Variants in CLIC6 observed in about 807,000 individuals in gnomAD.
CLIC6 encodes CLIC family member 6, also known as chloride intracellular channel protein 6.
A neutral mutation model predicts 49.2 loss-of-function variants in CLIC6; 39 were observed. The ratio of observed to expected loss-of-function variants is 0.79; its 90% CI spans 0.61 to 1.04. The LOEUF (loss-of-function observed/expected upper bound fraction) is 1.04, where lower values mean the gene tolerates loss of function less well. CLIC6 is among the 50% of genes least tolerant of loss of function. The pLI, the probability that CLIC6 is intolerant of heterozygous loss-of-function variation, is 0.00. For synonymous variants in CLIC6, 446 were observed against 433.4 expected, an observed-to-expected ratio of 1.03 and a Z score of -0.36; for missense variants, 988 against 993.1, an observed-to-expected ratio of 0.99 and a Z score of 0.07.
intron 1 of CLIC6, among the ~76,000 whole-genome samples, chr21:34,706,318 G>T (rs917240213): frequency 3.3e-5 from 5 of 152,086 alleles, no homozygotes; most frequent in Non-Finnish European, 7.4e-5. Flanking sequence ...ACTGACTATC[G>T]AAAGGGCAGC....
rs1311183657 is a variant in CLIC6 at position 34,707,359 on chromosome 21, T to C, written c.1454T>C (p.Ile485Thr). ...ATGATTCTCTGGCTGAAAGGCGTTA[T>C]ATTTAATGTGACCACAGTGGACCTG... Reference protein sequence around the residue: ...LFMILWLKGVIFNVTTVDLKR... With the variant: ...LFMILWLKGVTFNVTTVDLKR... Residue 485 changes from isoleucine to threonine, a missense_variant, in exon 2 of 6, where the codon ATA (isoleucine) becomes ACA (threonine). Around this residue, in one of 3 missense-constraint regions of CLIC6, gnomAD observed 647 missense variants for 596.9 expected, o/e 1.08. Transcript: ENST00000349499. 6.2e-7 allele frequency: 1 copy of C among 1,613,800 alleles called. No individual in the cohort carries two copies.
intron 1 of CLIC6, among the ~76,000 whole-genome samples, chr21:34,698,209 G>T (rs538679961): frequency 5.0e-4 from 76 of 152,320 alleles, no homozygotes; most frequent in African/African-American, 1.7e-3. Context: ...CGTGGTCCTG[G>T]CCCTGTGCTT....
rs1203404460 is a variant in CLIC6 at position 34,707,932 on chromosome 21, C to T, written c.1485-12C>T. The T allele has an allele frequency of 6.2e-7, 1 of 1,613,768 alleles. No homozygotes were observed. The highest frequency in any genetic ancestry group is 8.5e-7 in the Non-Finnish European group (1 of 1,179,842). ...CGGTGGCCCATAAACACTGCTGTTT[C>T]CTCCCACCTAGGAAACCCGCAGACC... On this transcript the variant is annotated splice_polypyrimidine_tract_variant and intron_variant, in intron 2 of 5. Coordinates refer to ENST00000349499, the MANE Select transcript of CLIC6 (RefSeq NM_053277.3).
chr21:34,678,266 C>T (rs1163741503), intron 1 of CLIC6, among the ~76,000 whole-genome samples: 2 of 138,624 alleles, frequency 1.4e-5, no homozygotes, highest in African/African-American at 5.4e-5. Flanking sequence ...CCCGTCTCTA[C>T]TAAAAATACA....
intron 1 of CLIC6, among the ~76,000 whole-genome samples, chr21:34,706,507 C>T (rs1365687882): frequency 6.6e-6 from 1 of 152,186 alleles, no homozygotes; most frequent in Non-Finnish European, 1.5e-5. Flanking sequence ...ACTTTTATCA[C>T]TCACATACAC....
rs1432798124 is a variant in CLIC6 at position 34,670,640 on chromosome 21, G to A, written c.1252G>A (p.Ala418Thr). The change falls in exon 1 of 6, where the codon GCC becomes ACC. Residue 418 changes from alanine to threonine, a missense_variant. Physicochemically the swap from Ala to Thr is moderately conservative, Grantham distance 58 (BLOSUM62 0). This residue lies in a region of CLIC6 where 647 missense variants were observed against 596.9 expected (regional missense o/e 1.08). Transcript: ENST00000349499. The stretch of plus-strand genomic sequence containing the variant: ...TGAGGCCCAGCTCAGCAACCACCTG[G>A]CCGAGGAGGGCCCCGCCGAGGGTAG... ...EPEAQLSNHL[A>T]EEGPAEGSGE... is the part of the protein sequence containing the mutation. The A allele has an allele frequency of 6.4e-7, 1 of 1,554,476 alleles. No homozygotes were observed. The highest frequency in any genetic ancestry group is 1.2e-5 in the South Asian group (1 of 85,142).
At chr21:34,674,572 C>T (rs959589787) in intron 1 of CLIC6, among the ~76,000 whole-genome samples, 1 of 152,148 alleles carries the variant, frequency 6.6e-6, no homozygotes, top group South Asian at 2.1e-4. Flanking sequence ...TTTTATTTTA[C>T]AAGCATGCAA....
rs1989495335 is a variant in CLIC6, at chr21:34,669,768, G to A, written c.380G>A (p.Arg127Lys). ...GGCGAGCCCCGCGGGGAGGCTCAGA[G>A]GGAGCCCGAGGACTCTGCGGCCCCC... ...AQGEPRGEAQ[R>K]EPEDSAAPER... Residue 127 changes from arginine to lysine, a missense_variant, in exon 1 of 6, where the codon AGG (arginine) becomes AAG (lysine). Arg to Lys is a conservative substitution (Grantham distance 26). Around this residue, in one of 3 missense-constraint regions of CLIC6, gnomAD observed 284 missense variants for 278.6 expected, o/e 1.02. Transcript: ENST00000349499. 5 of 1,416,040 alleles carry A rather than the reference G, an allele frequency of 3.5e-6. No homozygotes were observed. The highest frequency in any genetic ancestry group is 4.6e-6 in the Non-Finnish European group (5 of 1,095,978). The allele number at this position is 1,416,040 out of a possible 1,614,324, so 87.7% of individuals were successfully genotyped here.
chr21:34,703,008 C>T (rs1455669953), intron 1 of CLIC6, among the ~76,000 whole-genome samples: 3 of 151,358 alleles, frequency 2.0e-5, no homozygotes, highest in African/African-American at 4.9e-5. Context: ...TGGAATGGAG[C>T]GGCCCATTAT....
chr21:34,705,163 G>A (rs1460555059), intron 1 of CLIC6, among the ~76,000 whole-genome samples: 1 of 152,176 alleles, frequency 6.6e-6, no homozygotes, highest in African/African-American at 2.4e-5. Flanking sequence ...AGAGCAAGTC[G>A]GGACTGGCCA....
intron 1 of CLIC6, among the ~76,000 whole-genome samples, chr21:34,675,738 C>T (rs1015268482): frequency 6.6e-6 from 1 of 152,160 alleles, no homozygotes; most frequent in African/African-American, 2.4e-5. Context: ...CCTCTCGGTT[C>T]TCACCACCTG....
At chr21:34,705,064 C>T (rs970610441) in intron 1 of CLIC6, among the ~76,000 whole-genome samples, 1 of 152,176 alleles carries the variant, frequency 6.6e-6, no homozygotes, top group African/African-American at 2.4e-5. Flanking sequence ...GGAGAAAAAA[C>T]GAACACAGTT....
chr21:34,693,595 G>A (rs1477815604), intron 1 of CLIC6, among the ~76,000 whole-genome samples: 1 of 152,102 alleles, frequency 6.6e-6, no homozygotes, highest in Non-Finnish European at 1.5e-5. Context: ...TTGGCTAGAG[G>A]GACCTCAAAT....
chr21:34,706,132 T>G, intron 1 of CLIC6: 2 of 641,816 alleles, frequency 3.1e-6, no homozygotes, highest in Non-Finnish European at 5.6e-6. Flanking sequence ...GCTGCAGGCT[T>G]TGTAGGAAGC....
intron 1 of CLIC6, among the ~76,000 whole-genome samples, chr21:34,691,386 G>A (rs981046127): frequency 1.2e-4 from 18 of 151,936 alleles, no homozygotes; most frequent in African/African-American, 4.4e-4. Context: ...GAAGCTTAAA[G>A]CCAAGTTTTC....
intron 1 of CLIC6, among the ~76,000 whole-genome samples, chr21:34,693,372 G>A (rs58440203): frequency 0.012 from 1,860 of 152,226 alleles, 42 homozygotes; most frequent in African/African-American, 0.043. Flanking sequence ...ACCTAATTAG[G>A]AATGGAGACC....
chr21:34,680,109 A>G (rs1989747837), intron 1 of CLIC6, among the ~76,000 whole-genome samples: 1 of 152,256 alleles, frequency 6.6e-6, no homozygotes, highest in African/African-American at 2.4e-5. Context: ...CCCCTGCAGC[A>G]AACTTCTTCC....
chr21:34,689,596 C>CTT (rs766227959), intron 1 of CLIC6, among the ~76,000 whole-genome samples: 8 of 143,518 alleles, frequency 5.6e-5, no homozygotes, highest in African/African-American at 1.5e-4. Flanking sequence ...GGATCTGAAG[C>CTT]TTTTTTTTTT....
At chr21:34,684,785 C>G (rs941147792) in intron 1 of CLIC6, among the ~76,000 whole-genome samples, 1 of 152,206 alleles carries the variant, frequency 6.6e-6, no homozygotes, top group African/African-American at 2.4e-5. Flanking sequence ...AATTATAGTA[C>G]ACAAGCAAGG....
Sources: gnomAD v4.1 joint callset for allele counts (sites outside exome capture counted in the v4.1 genomes callset) on GRCh38, gnomAD v4.1.1 for gene constraint, gnomAD v4.1.1 regional missense constraint, MANE v1.5 for transcripts, NCBI Gene and HGNC (gene_info 2026-07-23, HGNC 2026-07-21) for gene names.